ABCC1: variants seen among roughly 807,000 people sequenced by gnomAD.
ABCC1 encodes the protein multidrug resistance-associated protein 1.
Under a neutral mutation model 172.9 loss-of-function variants are expected in ABCC1, and 83 were observed. The observed-to-expected ratio is 0.48, with a 90% CI of 0.40 to 0.58. The LOEUF (loss-of-function observed/expected upper bound fraction) is 0.58, where lower values mean the gene tolerates loss of function less well. Among genes scored for constraint, ABCC1 ranks in the 20% least tolerant of loss-of-function variants. ABCC1 has a pLI of 0.00. For synonymous variants in ABCC1, 937 were observed against 825.2 expected (o/e 1.14, Z -2.32); for missense variants, 1,817 against 2,002.7 (o/e 0.91, Z 1.77).
At chr16:16,102,793 G>A in intron 20 of ABCC1, 76 bp downstream of exon 20, 1 of 1,414,200 alleles carries the variant, frequency 7.1e-7, no homozygotes, top group Non-Finnish European at 9.7e-7. Context: ...AACAAAAAAA[G>A]GCCTCAGCCC....
At chr16:16,059,313 T>G (rs1022829773) in intron 12 of ABCC1, among the ~76,000 whole-genome samples, 4 of 152,110 alleles carry the variant, frequency 2.6e-5, no homozygotes, top group African/African-American at 9.7e-5. Context: ...TGTAAATACT[T>G]TCGGAATTCC....
intron 24 of ABCC1, among the ~76,000 whole-genome samples, chr16:16,124,147 G>T (rs1001946592): frequency 2.6e-5 from 4 of 152,122 alleles, no homozygotes; most frequent in Non-Finnish European, 5.9e-5. Context: ...TACTAGTTAC[G>T]CACTCCCCTC....
At chr16:15,984,151 G>A (rs139968584) in intron 1 of ABCC1, among the ~76,000 whole-genome samples, 3 of 152,334 alleles carry the variant, frequency 2.0e-5, no homozygotes, top group East Asian at 3.9e-4. Flanking sequence ...GGGGCTGGGT[G>A]AATACAGTGG....
chr16:16,025,032 G>A (rs888816479), intron 5 of ABCC1, among the ~76,000 whole-genome samples: 2 of 152,166 alleles, frequency 1.3e-5, no homozygotes, highest in Non-Finnish European at 2.9e-5. Flanking sequence ...CAGACAAGTT[G>A]ATGGGCAAAG....
chr16:15,984,447 A>ATGTTT (rs2046698338), intron 1 of ABCC1, among the ~76,000 whole-genome samples: 3 of 38,644 alleles, frequency 7.8e-5, no homozygotes, highest in African/African-American at 1.9e-4. Context: ...CTTGATATAT[A>ATGTTT]CTTTTTTTTT....
intron 11 of ABCC1, among the ~76,000 whole-genome samples, chr16:16,055,163 A>G (rs1013101176): frequency 6.6e-6 from 1 of 152,024 alleles, no homozygotes; most frequent in South Asian, 2.1e-4. Flanking sequence ...CCAGGAATTC[A>G]AGGCTGCAGT....
At chr16:16,044,799 T>C in intron 8 of ABCC1, 119 bp downstream of exon 8, 1 of 874,996 alleles carries the variant, frequency 1.1e-6, no homozygotes, top group Non-Finnish European at 1.8e-6. Flanking sequence ...TAGCCAGATG[T>C]CTCCATTTTT....
chr16:15,968,898 C>CTT (rs113313116), intron 1 of ABCC1, among the ~76,000 whole-genome samples: 1,585 of 144,582 alleles, frequency 0.011, 28 homozygotes, highest in African/African-American at 0.038. Flanking sequence ...AATATTTTTT[C>CTT]TTTTTTTTTT....
At chr16:16,131,123 A>G (rs998675871) in intron 26 of ABCC1, among the ~76,000 whole-genome samples, 1 of 152,200 alleles carries the variant, frequency 6.6e-6, no homozygotes, top group Non-Finnish European at 1.5e-5. Context: ...TCCATCTCAA[A>G]AAAAAAAGAA....
At position 16,014,640 on chromosome 16, in the gene ABCC1, T is replaced by C; in HGVS notation, c.489+12T>C. Reference sequence around the variant, plus strand: ...CAGCCTTAAAAGAGGTAAGTGGCAGTCTCCTTCCTCATCTTCCTTCAGTGG... The same window carrying C: ...CAGCCTTAAAAGAGGTAAGTGGCAGCCTCCTTCCTCATCTTCCTTCAGTGG... On this transcript the variant is annotated intron_variant, in intron 4 of 30. Coordinates refer to ENST00000399410, the MANE Select transcript of ABCC1 (RefSeq NM_004996.4). 1 of 1,612,878 alleles carries C rather than the reference T, an allele frequency of 6.2e-7. No homozygotes were observed. Among genetic ancestry groups the C allele is most frequent in the Non-Finnish European group, 8.5e-7 (1 of 1,179,636 alleles).
intron 5 of ABCC1, among the ~76,000 whole-genome samples, chr16:16,029,730 G>T (rs1394605722): frequency 6.6e-6 from 1 of 152,200 alleles, no homozygotes; most frequent in Admixed American, 6.5e-5. Context: ...AACTGTAACT[G>T]TTGGGCTGCA....
At chr16:16,139,611 CAAA>C (rs386384360) in intron 30 of ABCC1, among the ~76,000 whole-genome samples, 7 of 57,330 alleles carry the variant, frequency 1.2e-4, no homozygotes, top group African/African-American at 2.4e-4. Flanking sequence ...GACTCCATCT[CAAA>C]AAAAAAAAAA....
intron 4 of ABCC1, among the ~76,000 whole-genome samples, chr16:16,016,191 TCA>T (rs1362823250): frequency 3.5e-5 from 5 of 141,218 alleles, no homozygotes; most frequent in African/African-American, 7.9e-5. Flanking sequence ...TTTTGCTCTG[TCA>T]CACAGGCTGG....
intron 23 of ABCC1, among the ~76,000 whole-genome samples, chr16:16,117,295 G>A (rs938562529): frequency 9.2e-5 from 14 of 152,150 alleles, no homozygotes; most frequent in South Asian, 2.1e-4. Flanking sequence ...CCACGAAGTC[G>A]GGGAGCCCCC....
Position 16,120,401 on chromosome 16 carries a change from A to G in ABCC1, c.3391-1574A>G, listed in dbSNP as rs911656037. Among the ~76,000 whole-genome samples, 12 of 152,318 alleles carry G rather than the reference A, an allele frequency of 7.9e-5. No homozygotes were observed. In the East Asian group the frequency reaches 1.9e-3, roughly 24 times the overall value. On this transcript the variant is annotated intron_variant, in intron 23 of 30. Transcript: ENST00000399410. ...GGTGCAGCCTCTGATCCACAGCTCC[A>G]CAAAGCTTGCAGAAGGTGGTTGGCT...
At position 16,020,953 on chromosome 16, in the gene ABCC1, A is replaced by G. The variant is rs763193192; in HGVS notation, c.615+4332A>G. Among the ~76,000 whole-genome samples the G allele has an allele frequency of 5.9e-4, 90 of 152,282 alleles. No homozygotes were observed. The Middle Eastern group carries it at 0.01, about 17-fold the overall frequency. ...AACTCACGACTGGCTGTTGTGCACA[A>G]TCATGTCACTTCGCTTGGTTGTAAC... On this transcript the variant is annotated intron_variant, in intron 5 of 30. Coordinates refer to ENST00000399410, the MANE Select transcript of ABCC1 (RefSeq NM_004996.4).
At position 15,957,838 on chromosome 16, in the gene ABCC1, C is replaced by T. The variant is rs369066204; in HGVS notation, c.48+8039C>T. 9.5e-4 allele frequency among the ~76,000 whole-genome samples: 144 copies of T among 152,130 alleles called. 3 individuals are homozygous for T. The highest frequency in any genetic ancestry group is 3.0e-3 in the African/African-American group (125 of 41,498). ...CGATCTCTTGACCTCGTGATCCGCC[C>T]GCCTCGGCCTCCTAAAGTGCTGGGA... On this transcript the variant is annotated intron_variant, in intron 1 of 30. Coordinates refer to ENST00000399410, the MANE Select transcript of ABCC1 (RefSeq NM_004996.4).
intron 27 of ABCC1, among the ~76,000 whole-genome samples, chr16:16,133,648 C>T (rs1468536539): frequency 6.6e-6 from 1 of 152,184 alleles, no homozygotes; most frequent in African/African-American, 2.4e-5. Context: ...CTCTGATCCA[C>T]CTTCCTCGGC....
chr16:16,088,525 C>T (rs1182758292), intron 18 of ABCC1, among the ~76,000 whole-genome samples: 3 of 152,140 alleles, frequency 2.0e-5, no homozygotes, highest in African/African-American at 7.2e-5. Context: ...TCTTAGAGAG[C>T]AAGGGTTAGC....
Sources: allele counts gnomAD v4.1 joint callset (sites outside exome capture counted in the v4.1 genomes callset), GRCh38; gene constraint gnomAD v4.1.1; transcripts MANE v1.5; gene names NCBI Gene and HGNC (gene_info 2026-07-23, HGNC 2026-07-21).